Variants in ZNF608 observed in about 807,000 individuals in gnomAD.
The protein encoded by ZNF608 is zinc finger protein 608, also known as renal carcinoma antigen NY-REN-36.
In ZNF608, 12 loss-of-function variants were observed where a neutral mutation model predicts 109.0. That is an observed-to-expected ratio of 0.11 (90% confidence interval 0.07 to 0.18). The LOEUF is 0.18. ZNF608 is among the 10% of genes least tolerant of loss of function. The pLI is 1.00. For missense variants in ZNF608, 1,707 were observed against 1,879.3 expected, an observed-to-expected ratio of 0.91 and a Z score of 1.70; for synonymous variants, 732 against 717.4, an observed-to-expected ratio of 1.02 and a Z score of -0.33.
At chr5:124,720,087 A>C (rs1181949852) in intron 2 of ZNF608, among the ~76,000 whole-genome samples, 1 of 152,246 alleles carries the variant, frequency 6.6e-6, no homozygotes, top group East Asian at 1.9e-4. Context: ...GTGCTACTGA[A>C]TTCAACAAAT....
chr5:124,642,272 G>A (rs1228386966), intron 7 of ZNF608, among the ~76,000 whole-genome samples: 1 of 152,156 alleles, frequency 6.6e-6, no homozygotes, highest in Non-Finnish European at 1.5e-5. Context: ...TTTTGGGGAA[G>A]AGCCATCTTT....
intron 5 of ZNF608, 148 bp downstream of exon 5, chr5:124,646,531 G>T (rs947924588): frequency 1.8e-5 from 17 of 950,672 alleles, no homozygotes; most frequent in African/African-American, 3.3e-5. Context: ...TAACTCCTGA[G>T]AATCTTAAGA....
At chr5:124,731,443 C>G (rs1271223600) in intron 2 of ZNF608, among the ~76,000 whole-genome samples, 7 of 151,476 alleles carry the variant, frequency 4.6e-5, no homozygotes, top group African/African-American at 1.7e-4. Context: ...GAACTCCTGA[C>G]CTCGTGATCC....
rs373957465 is a variant in ZNF608 at position 124,688,621 on chromosome 5, A to G, written c.1162+12393T>C. The stretch of plus-strand genomic sequence containing the variant: ...TTTGTATACTTCAACTCAGCAATTC[A>G]GTTTCCTGAAAATTGATCCCAGCAT... On this transcript the variant is annotated intron_variant, in intron 3 of 9. Transcript: ENST00000513986. Among the ~76,000 whole-genome samples, 17 of 152,358 alleles carry G rather than the reference A, an allele frequency of 1.1e-4. No homozygotes were observed. In the East Asian group the frequency reaches 2.9e-3, roughly 26 times the overall value.
chr5:124,735,441 AGCCCAGG>A (rs1749103647), intron 2 of ZNF608, among the ~76,000 whole-genome samples: 1 of 152,192 alleles, frequency 6.6e-6, no homozygotes, highest in Non-Finnish European at 1.5e-5. Context: ...CGCCCCCAGG[AGCCCAGG>A]GCCCTCCATC....
intron 3 of ZNF608, among the ~76,000 whole-genome samples, chr5:124,667,093 A>T (rs1198781730): frequency 6.6e-6 from 1 of 152,198 alleles, no homozygotes; most frequent in Non-Finnish European, 1.5e-5. Context: ...TAGCAATTCA[A>T]TTCAAAGTAA....
chr5:124,683,223 A>G (rs1321147811), intron 3 of ZNF608, among the ~76,000 whole-genome samples: 1 of 152,124 alleles, frequency 6.6e-6, no homozygotes, highest in Non-Finnish European at 1.5e-5. Flanking sequence ...TGACAGTAGC[A>G]CCTGCCTACA....
At chr5:124,728,032 G>T (rs897668292) in intron 2 of ZNF608, among the ~76,000 whole-genome samples, 7 of 152,096 alleles carry the variant, frequency 4.6e-5, no homozygotes, top group Non-Finnish European at 8.8e-5. Context: ...GAGCCACTGT[G>T]CCGGGCCCCA....
chr5:124,691,661 C>T (rs1321760417), intron 3 of ZNF608, among the ~76,000 whole-genome samples: 3 of 152,174 alleles, frequency 2.0e-5, no homozygotes, highest in African/African-American at 7.2e-5. Context: ...AAAAGGACAT[C>T]CTATCATATG....
rs148452379 is a variant in ZNF608 at position 124,744,225 on chromosome 5, A to C, written c.765T>G (p.Thr255=). The C allele has an allele frequency of 2.0e-5, 32 of 1,613,722 alleles. No homozygotes were observed. The African/African-American group carries it at 4.3e-4, about 22-fold the overall frequency. Residue 255 remains threonine (T), a synonymous_variant, in exon 2 of 10, where the codon ACT becomes ACG. Coordinates refer to ENST00000513986, the MANE Select transcript of ZNF608 (RefSeq NM_020747.3). This position sits in a 1 kb window ranked among gnomAD's most constrained non-coding sequence, Gnocchi z 4.5. ...GGASPFHCGG[T]GSGSVAAAGE... ...CTGCAGCGGCGACGCTGCCACTCCC[A>C]GTGCCCCCGCAGTGGAAGGGGCTCG... is the stretch of plus-strand genomic sequence containing the variant.
intron 3 of ZNF608, among the ~76,000 whole-genome samples, chr5:124,672,379 A>G (rs568133349): frequency 4.1e-4 from 62 of 152,332 alleles, no homozygotes; most frequent in Non-Finnish European, 8.2e-4. Context: ...CTCTTCCTCC[A>G]TGGAAATAAT....
rs1188137105 is a variant in ZNF608 at position 124,744,018 on chromosome 5, CCCCACACA to C, written c.906+58_906+65del. ...AAGTGTAAGGCACACAGAGGCACAC[CCCCACACA>C]CCCACACAAATGCACACAGAGGAGA... On this transcript the variant is annotated intron_variant, in intron 2 of 9. Coordinates refer to ENST00000513986, the MANE Select transcript of ZNF608 (RefSeq NM_020747.3). The surrounding 1 kb of genome is among the most constrained non-coding windows in gnomAD (Gnocchi z 4.5). 4.6e-6 allele frequency: 7 copies of C among 1,521,704 alleles called. No homozygotes were observed. The African/African-American group carries it at 8.3e-5, about 18-fold the overall frequency. 94.3% of individuals were successfully genotyped at this position (1,521,704 alleles called of 1,614,324 possible).
In ZNF608 at chr5:124,648,990, G is replaced by GC. The variant is rs764779166; in HGVS notation, c.1393dup (p.Ala465GlyfsTer24). 6.2e-7 allele frequency: 1 copy of GC among 1,613,962 alleles called. No individual in the cohort carries two copies. Among genetic ancestry groups the GC allele is most frequent in the Non-Finnish European group, 8.5e-7 (1 of 1,179,968 alleles). The stretch of plus-strand genomic sequence containing the variant: ...GCTGCCCCGCCTCCCTTTCCCATTG[G>GC]CCCCCCCTCTGTTCTTATTCTGCAG... On this transcript the variant is annotated frameshift_variant, in exon 5 of 10. Transcript: ENST00000513986. LOFTEE classifies it high-confidence loss of function.
chr5:124,739,580 T>C (rs1749295326), intron 2 of ZNF608, among the ~76,000 whole-genome samples: 1 of 152,214 alleles, frequency 6.6e-6, no homozygotes, highest in Non-Finnish European at 1.5e-5. Context: ...GCAGGAACTG[T>C]ATAACCATTA....
At chr5:124,713,033 A>C (rs1337858312) in intron 2 of ZNF608, among the ~76,000 whole-genome samples, 3 of 152,138 alleles carry the variant, frequency 2.0e-5, no homozygotes, top group East Asian at 1.9e-4. Context: ...ATCCTAAATA[A>C]GCTTTTTCAA....
At chr5:124,670,754 C>A (rs919062910) in intron 3 of ZNF608, among the ~76,000 whole-genome samples, 1 of 152,212 alleles carries the variant, frequency 6.6e-6, no homozygotes, top group Admixed American at 6.5e-5. Flanking sequence ...ACCGTTCCAT[C>A]ACACAAAACC....
At position 124,643,552 on chromosome 5, in the gene ZNF608, G is replaced by A. The variant is rs1750346057; in HGVS notation, c.4255C>T (p.Leu1419Phe). The part of the protein sequence containing the change: ...TTTESKALDL[L>F]QQHANQYRSK... ...CGGTATTGGTTAGCATGCTGCTGGA[G>A]CAAATCCAGTGCTTTAGATTCAGTG... Residue 1419 changes from leucine to phenylalanine, a missense_variant, in exon 7 of 10, where the codon CTC becomes TTC. This residue lies in a region of ZNF608 where 1,073 missense variants were observed against 1,133.5 expected (regional missense o/e 0.95). Coordinates refer to ENST00000513986, the MANE Select transcript of ZNF608 (RefSeq NM_020747.3). 5.0e-6 allele frequency: 8 copies of A among 1,614,206 alleles called. No homozygotes were observed. The highest frequency in any genetic ancestry group is 6.8e-6 in the Non-Finnish European group (8 of 1,180,034).
At chr5:124,748,458 A>G, upstream of ZNF608, 3 of 851,750 alleles carry the variant, frequency 3.5e-6, no homozygotes, top group Non-Finnish European at 4.2e-6. Flanking sequence ...ATTTCTATGC[A>G]TAAAACTCGC....
intron 3 of ZNF608, among the ~76,000 whole-genome samples, chr5:124,681,018 C>T (rs953732105): frequency 6.6e-6 from 1 of 152,148 alleles, no homozygotes; most frequent in South Asian, 2.1e-4. Context: ...GGAGGTTCAA[C>T]TTCTACATAA....
Sources: allele counts gnomAD v4.1 joint callset (sites outside exome capture counted in the v4.1 genomes callset), GRCh38; gene constraint gnomAD v4.1.1; regional missense constraint gnomAD v4.1.1; non-coding constraint Gnocchi (gnomAD v3.1); transcripts MANE v1.5; gene names NCBI Gene and HGNC (gene_info 2026-07-23, HGNC 2026-07-21).